The following ZNF100 variants were observed in gnomAD, a reference collection of about 807,000 sequenced individuals.
ZNF100 encodes zinc finger protein 100.
In ZNF100, 12 loss-of-function variants were observed where a neutral mutation model predicts 15.8. The observed-to-expected ratio is 0.76, with a 90% CI of 0.49 to 1.23. The LOEUF (loss-of-function observed/expected upper bound fraction) is 1.23. ZNF100 is among the 50% of genes most tolerant of loss of function. The probability of loss-of-function intolerance (pLI) is 0.00; values close to 1 mark genes in which losing one functional copy is unlikely to be tolerated. For synonymous variants in ZNF100, 226 were observed against 214.8 expected (o/e 1.05, Z -0.45); for missense variants, 670 against 635.6 (o/e 1.05, Z -0.58).
rs912098211 is a variant in ZNF100, at chr19:21,725,311, T to G, written c.*1372A>C. The G allele has an allele frequency of 1.3e-5, 2 of 152,066 alleles. No individual in the cohort carries two copies. The highest frequency in any genetic ancestry group is 2.9e-5 in the Non-Finnish European group (2 of 68,008). The allele number at this position is 152,066 out of a possible 1,614,324, so 9.4% of individuals were successfully genotyped here. A position where few individuals can be genotyped will look rare whatever the true frequency, so the allele number is the denominator to read the frequency against. On this transcript the variant is annotated 3_prime_UTR_variant, in exon 5 of 5. Transcript: ENST00000358296. ...TTGAATATATTAACATCACATATAA[T>G]CTGAAATTTAAAAAATATACTGCAT...
At chr19:21,762,659 T>C (rs1348245990) in intron 2 of ZNF100, among the ~76,000 whole-genome samples, 1 of 152,200 alleles carries the variant, frequency 6.6e-6, no homozygotes, top group Non-Finnish European at 1.5e-5. Flanking sequence ...AGATTGATCT[T>C]CGTCCCACTA....
intron 2 of ZNF100, among the ~76,000 whole-genome samples, chr19:21,756,776 G>T (rs2036398879): frequency 6.6e-6 from 1 of 152,154 alleles, no homozygotes; most frequent in South Asian, 2.1e-4. Context: ...AGCCTGAATA[G>T]CCAAGGCAAT....
At chr19:21,729,927 A>G (rs2145687114) in intron 4 of ZNF100, among the ~76,000 whole-genome samples, 1 of 152,184 alleles carries the variant, frequency 6.6e-6, no homozygotes, top group East Asian at 1.9e-4. Context: ...TATATCTTTT[A>G]GAGGTTTACG....
Position 21,727,321 on chromosome 19 carries a change from G to A in ZNF100, c.991C>T (p.His331Tyr). Residue 331 changes from histidine to tyrosine, a missense_variant, in exon 5 of 5, where the codon CAC (histidine) becomes TAC (tyrosine). Transcript: ENST00000358296. ...ECGKAFNRSSHLTTHRIIHTG... is the reference protein window; with the variant it reads ...ECGKAFNRSSYLTTHRIIHTG... ...TGAATTATCCTGTGTGTAGTAAGGT[G>A]TGAGGACCGGTTAAAAGCTTTGCCA... 6.2e-7 allele frequency: 1 copy of A among 1,610,852 alleles called. No individual in the cohort carries two copies. The highest frequency in any genetic ancestry group is 1.1e-5 in the South Asian group (1 of 90,980).
At chr19:21,738,124 G>A (rs1418135838) in intron 4 of ZNF100, among the ~76,000 whole-genome samples, 3 of 151,534 alleles carry the variant, frequency 2.0e-5, no homozygotes, top group Non-Finnish European at 1.5e-5. Flanking sequence ...GGTAGCGCAC[G>A]CCTGTGATCC....
Position 21,725,703 on chromosome 19 carries a change from A to C in ZNF100, c.*980T>G, listed in dbSNP as rs1038174713. The C allele has an allele frequency of 1.3e-5, 2 of 150,696 alleles. No individual in the cohort carries two copies. The highest frequency in any genetic ancestry group is 3.0e-5 in the Non-Finnish European group (2 of 67,702). 9.3% of individuals were successfully genotyped at this position (150,696 alleles called of 1,614,324 possible). A position where few individuals can be genotyped will look rare whatever the true frequency, so the allele number is the denominator to read the frequency against. Reference sequence around the variant, plus strand: ...ATCTAATTTTTTCAAAAAGTTAAGCATACTTTGAATGCAATAACTGCAAAA... The same window carrying C: ...ATCTAATTTTTTCAAAAAGTTAAGCCTACTTTGAATGCAATAACTGCAAAA... On this transcript the variant is annotated 3_prime_UTR_variant, in exon 5 of 5. Coordinates refer to ENST00000358296, the MANE Select transcript of ZNF100 (RefSeq NM_173531.4).
rs1259507840 is a variant in ZNF100, at chr19:21,727,135, T to A, written c.1177A>T (p.Thr393Ser). ...TAGAATTTCTCTCCAGTATGACTTG[T>A]CTTATGTTTAGTAAGGTATGAGAAT... ...YRFSYLTKHK[T>S]SHTGEKFYKC... The change falls in exon 5 of 5, where the codon ACA (threonine) becomes TCA (serine). Residue 393 changes from threonine to serine, a missense_variant. Physicochemically the swap from Thr to Ser is moderately conservative, Grantham distance 58 (BLOSUM62 1). Coordinates refer to ENST00000358296, the MANE Select transcript of ZNF100 (RefSeq NM_173531.4). 6.2e-7 allele frequency: 1 copy of A among 1,611,518 alleles called. No homozygotes were observed. Among genetic ancestry groups the A allele is most frequent in the African/African-American group, 1.3e-5 (1 of 74,784 alleles).
chr19:21,726,736 G>T lies in ZNF100; in HGVS notation c.1576C>A (p.Leu526Ile). ...EECGKDFNQS[L>I]SLIKQNNSYW... ...GAGTTATTTTGTTTAATAAGGCTTA[G>T]GGACTGGTTAAAGTCTTTACCACAT... The change falls in exon 5 of 5, where the codon CTA (leucine) becomes ATA (isoleucine). Residue 526 changes from leucine to isoleucine, a missense_variant. Physicochemically the swap from Leu to Ile is conservative, Grantham distance 5. Transcript: ENST00000358296. The T allele has an allele frequency of 6.2e-7, 1 of 1,606,826 alleles. No individual in the cohort carries two copies. The highest frequency in any genetic ancestry group is 8.5e-7 in the Non-Finnish European group (1 of 1,176,434).
intron 4 of ZNF100, among the ~76,000 whole-genome samples, chr19:21,736,894 A>G (rs2036016540): frequency 6.6e-6 from 1 of 152,180 alleles, no homozygotes; most frequent in Non-Finnish European, 1.5e-5. Flanking sequence ...CAGCTAAAGT[A>G]GTGTTAAGGG....
At position 21,727,268 on chromosome 19, in the gene ZNF100, T is replaced by C; in HGVS notation, c.1044A>G (p.Glu348=). The C allele has an allele frequency of 6.2e-7, 1 of 1,613,318 alleles. No individual in the cohort carries two copies. The highest frequency in any genetic ancestry group is 2.2e-5 in the East Asian group (1 of 44,818). ...IHTGEKPYKC[E]ECGKAFNQSS... ...ACTGGTTAAAGGCTTTGCCACATTCTTCACATTTGTAGGGTTTCTCTCCAG... is the reference window on the plus strand; with the variant it reads ...ACTGGTTAAAGGCTTTGCCACATTCCTCACATTTGTAGGGTTTCTCTCCAG... Residue 348 remains glutamate, a synonymous_variant, in exon 5 of 5, where the codon GAA becomes GAG. Coordinates refer to ENST00000358296, the MANE Select transcript of ZNF100 (RefSeq NM_173531.4).
rs2035812267 is a variant in ZNF100, at chr19:21,727,157, G to T, written c.1155C>A (p.Phe385Leu). ...CEECGKAFYR[F>L]SYLTKHKTSH... ...TTGTCTTATGTTTAGTAAGGTATGA[G>T]AATCGGTAAAAAGCTTTGCCACATT... Residue 385 changes from phenylalanine to leucine, a missense_variant, in exon 5 of 5, where the codon TTC (phenylalanine) becomes TTA (leucine). Coordinates refer to ENST00000358296, the MANE Select transcript of ZNF100 (RefSeq NM_173531.4). 9 of 1,611,886 alleles carry T rather than the reference G, an allele frequency of 5.6e-6. No individual in the cohort carries two copies. Among genetic ancestry groups the T allele is most frequent in the Non-Finnish European group, 7.6e-6 (9 of 1,178,348 alleles).
At chr19:21,743,226 C>CA (rs1466672216) in intron 4 of ZNF100, 7 of 151,724 alleles carry the variant, frequency 4.6e-5, no homozygotes, top group Admixed American at 3.3e-4. Flanking sequence ...GACTCCGTCT[C>CA]AAAAAACAAA....
intron 1 of ZNF100, among the ~76,000 whole-genome samples, chr19:21,766,882 T>G (rs1726892800): frequency 6.6e-6 from 1 of 151,978 alleles, no homozygotes; most frequent in Admixed American, 6.6e-5. Flanking sequence ...TAATCCCAGT[T>G]ACTCGGGAGG....
chr19:21,750,704 G>C (rs1230281484), intron 2 of ZNF100: 1 of 271,488 alleles, frequency 3.7e-6, no homozygotes, highest in African/African-American at 2.2e-5. Flanking sequence ...CGGGGTGGGC[G>C]GGTGAACTGC....
intron 2 of ZNF100, chr19:21,751,210 T>G (rs1453283256): frequency 6.9e-6 from 9 of 1,297,946 alleles, no homozygotes; most frequent in Non-Finnish European, 1.0e-5. Context: ...GTATAGCTCA[T>G]GCTCAACAAT....
rs763409906 is a variant in ZNF100 at position 21,726,802 on chromosome 19, T to C, written c.1510A>G (p.Lys504Glu). The change falls in exon 5 of 5, where the codon AAG becomes GAG. Residue 504 changes from lysine to glutamate, a missense_variant. Transcript: ENST00000358296. The stretch of plus-strand genomic sequence containing the variant: ...GATTTCTCTCCAGTATGAGTTATCT[T>C]ATGTTTAGTAAGGGTTGAGGATCGG... ...FNRSSTLTKH[K>E]ITHTGEKSYK... 9 of 1,613,768 alleles carry C rather than the reference T, an allele frequency of 5.6e-6. No homozygotes were observed. The East Asian group carries it at 1.6e-4, about 28-fold the overall frequency.
At chr19:21,766,576 C>A (rs1328354856) in intron 1 of ZNF100, among the ~76,000 whole-genome samples, 2 of 152,048 alleles carry the variant, frequency 1.3e-5, no homozygotes, top group African/African-American at 2.4e-5. Context: ...GTTACTGTAA[C>A]CAATTACTAA....
At chr19:21,764,288 GCA>G (rs1189683593) in intron 2 of ZNF100, among the ~76,000 whole-genome samples, 8 of 152,266 alleles carry the variant, frequency 5.3e-5, no homozygotes, top group Admixed American at 3.3e-4. Context: ...CCAGCAAAAT[GCA>G]GTGTTCATAT....
intron 2 of ZNF100, among the ~76,000 whole-genome samples, chr19:21,762,740 G>A (rs923605416): frequency 1.3e-5 from 2 of 152,126 alleles, no homozygotes; most frequent in Non-Finnish European, 2.9e-5. Flanking sequence ...AATGTCAGAG[G>A]CATATTGAAC....
Sources: allele counts gnomAD v4.1 joint callset (sites outside exome capture counted in the v4.1 genomes callset), GRCh38; gene constraint gnomAD v4.1.1; transcripts MANE v1.5; gene names NCBI Gene and HGNC (gene_info 2026-07-23, HGNC 2026-07-21).